The following FABP3 variants were observed in gnomAD, a reference collection of about 807,000 sequenced individuals.
FABP3 encodes the protein fatty acid-binding protein, heart.
A neutral mutation model predicts 13.4 loss-of-function variants in FABP3; 8 were observed. The observed-to-expected ratio is 0.60, with a 90% CI of 0.35 to 1.07. FABP3 has a LOEUF of 1.07. FABP3 is among the 50% of genes least tolerant of loss of function. The pLI, the probability that FABP3 is intolerant of heterozygous loss-of-function variation, is 0.02. For missense variants in FABP3, 135 were observed against 164.7 expected, an observed-to-expected ratio of 0.82 and a Z score of 0.99; for synonymous variants, 64 against 60.0, an observed-to-expected ratio of 1.07 and a Z score of -0.31.
At chr1:31,369,694 T>G (rs1339338866) in intron 1 of FABP3, 137 bp from the exon 2 acceptor site, 4 of 777,950 alleles carry the variant, frequency 5.1e-6, no homozygotes, top group Non-Finnish European at 8.2e-6. Flanking sequence ...ATGGGAATTT[T>G]AAAATTCAGT....
chr1:31,362,500 T>C (rs61780112), downstream of FABP3, among the ~76,000 whole-genome samples: 30,507 of 152,236 alleles, frequency 0.2, 3,689 homozygotes, highest in East Asian at 0.46. Context: ...TCTCGTCTTT[T>C]GTATGGGTTT....
In FABP3 at chr1:31,365,929, TG is replaced by T. The variant is rs764811590; in HGVS notation, c.358del (p.His120ThrfsTer83). ...AGTGCGAGTGCAAACTGCAGTGCCG[TG>T]GGTGAGTGTCTGGAAGGAAAGACAG... Reference protein sequence around the residue: ...IDGKLILTLTHGTAVCTRTYE... With the variant: ...IDGKLILTLTXGTAVCTRTYE... On this transcript the variant is annotated frameshift_variant, in exon 4 of 4. Transcript: ENST00000373713. LOFTEE classifies it high-confidence loss of function. 17 of 1,613,764 alleles carry T rather than the reference TG, an allele frequency of 1.1e-5. No individual in the cohort carries two copies. In the Admixed American group the frequency reaches 1.7e-4, roughly 16 times the overall value.
intron 3 of FABP3, among the ~76,000 whole-genome samples, chr1:31,366,187 G>A (rs556771687): frequency 6.6e-6 from 1 of 151,926 alleles, no homozygotes; most frequent in East Asian, 1.9e-4. Flanking sequence ...TGGAAAAAAC[G>A]AGCCTTTAGA....
At chr1:31,360,072 C>T in the FABP3 span, among the ~76,000 whole-genome samples, 1 of 152,174 alleles carries the variant, frequency 6.6e-6, no homozygotes, top group African/African-American at 2.4e-5. Flanking sequence ...CCTCTGCCTC[C>T]GGGTTCAAGC....
chr1:31,362,182 C>T (rs1428650557), downstream of FABP3, among the ~76,000 whole-genome samples: 2 of 152,160 alleles, frequency 1.3e-5, no homozygotes, highest in Admixed American at 6.5e-5. Flanking sequence ...GACTTGCCCA[C>T]GGATGCAGAA....
At chr1:31,369,155 A>G (rs1360463595) in intron 2 of FABP3, 2 of 525,852 alleles carry the variant, frequency 3.8e-6, no homozygotes, top group Non-Finnish European at 3.4e-6. Context: ...TCCGAGGCAG[A>G]CAATAGATGA....
downstream of FABP3, among the ~76,000 whole-genome samples, chr1:31,360,658 C>T (rs909826582): frequency 2.6e-5 from 4 of 152,200 alleles, no homozygotes; most frequent in Non-Finnish European, 4.4e-5. Flanking sequence ...GTCCATGTTC[C>T]AGCATGCCAG....
downstream of FABP3, among the ~76,000 whole-genome samples, chr1:31,361,733 A>T (rs918030384): frequency 6.6e-6 from 1 of 152,142 alleles, no homozygotes; most frequent in Non-Finnish European, 1.5e-5. Flanking sequence ...CAAGCCTTAG[A>T]TACTATCTCA....
chr1:31,363,097 T>A (rs369533221), downstream of FABP3, among the ~76,000 whole-genome samples: 29 of 152,292 alleles, frequency 1.9e-4, no homozygotes, highest in African/African-American at 5.1e-4. Context: ...ACATATTATG[T>A]CTTGGTTCTT....
At chr1:31,363,052 C>G (rs138976610), downstream of FABP3, among the ~76,000 whole-genome samples, 29 of 152,044 alleles carry the variant, frequency 1.9e-4, no homozygotes, top group African/African-American at 5.1e-4. Context: ...TATATAAATA[C>G]ACATGTATAT....
At chr1:31,369,585 T>G in intron 1 of FABP3, 28 bp from the exon 2 acceptor site, 2 of 1,611,722 alleles carry the variant, frequency 1.2e-6, no homozygotes, top group Non-Finnish European at 1.7e-6. Context: ...GTTATGAGTA[T>G]ATGAGCTGGG....
intron 3 of FABP3, 123 bp from the exon 4 acceptor site, chr1:31,366,062 ATGTGTGTGTG>A (rs3049341): frequency 0.45 from 255,360 of 573,398 alleles, 44,569 homozygotes; most frequent in Non-Finnish European, 0.5. Context: ...ATATGTATGT[ATGTGTGTGTG>A]TGTGTGTGTG....
At chr1:31,361,183 A>G (rs1325841569), downstream of FABP3, among the ~76,000 whole-genome samples, 1 of 152,164 alleles carries the variant, frequency 6.6e-6, no homozygotes, top group Non-Finnish European at 1.5e-5. Context: ...CATGGTTGTT[A>G]TAGCTCGGTA....
At chr1:31,372,815 C>T in intron 1 of FABP3, 127 bp downstream of exon 1, 4 of 894,010 alleles carry the variant, frequency 4.5e-6, no homozygotes, top group Non-Finnish European at 7.1e-6. Context: ...CTAGGCCAGG[C>T]TGCCATCTCC....
intron 1 of FABP3, among the ~76,000 whole-genome samples, chr1:31,370,165 T>A (rs891298648): frequency 2.0e-5 from 3 of 151,006 alleles, no homozygotes; most frequent in Non-Finnish European, 4.4e-5. Context: ...GAACTGTACA[T>A]GTTATCTCAT....
chr1:31,369,060 T>C (rs936889485), intron 2 of FABP3: 2 of 258,226 alleles, frequency 7.7e-6, no homozygotes, highest in Non-Finnish European at 1.5e-5. Context: ...AACCTAGAGC[T>C]ACTGCATACC....
At chr1:31,369,932 C>G (rs919695882) in intron 1 of FABP3, among the ~76,000 whole-genome samples, 26 of 151,950 alleles carry the variant, frequency 1.7e-4, no homozygotes, top group Non-Finnish European at 8.8e-5. Flanking sequence ...TGGTGAAACC[C>G]GTCTCTACTA....
At chr1:31,367,648 C>G (rs1190347906) in intron 2 of FABP3, among the ~76,000 whole-genome samples, 154 bp from the exon 3 acceptor site, 1 of 152,228 alleles carries the variant, frequency 6.6e-6, no homozygotes, top group African/African-American at 2.4e-5. Context: ...TCCCAGCTAT[C>G]CCTGCAAGAC....
downstream of FABP3, chr1:31,364,373 C>T: frequency 1.8e-6 from 2 of 1,115,412 alleles, no homozygotes; most frequent in South Asian, 3.9e-5. Flanking sequence ...AAAGCAGCTG[C>T]CTGAATGAGT....
Sources: allele counts gnomAD v4.1 joint callset (sites outside exome capture counted in the v4.1 genomes callset), GRCh38; gene constraint gnomAD v4.1.1; transcripts MANE v1.5; gene names NCBI Gene and HGNC (gene_info 2026-07-23, HGNC 2026-07-21).